The following SAMM50 variants were observed in gnomAD, a reference collection of about 807,000 sequenced individuals.
The protein encoded by SAMM50 is SAMM50 sorting and assembly machinery component.
Under a neutral mutation model 66.9 loss-of-function variants are expected in SAMM50, and 47 were observed. The ratio of observed to expected loss-of-function variants is 0.70; its 90% CI spans 0.56 to 0.90. The LOEUF (loss-of-function observed/expected upper bound fraction) is 0.90. Ranked by LOEUF, SAMM50 falls within the 40% of genes least tolerant of loss-of-function variation. SAMM50 has a pLI of 0.00. For synonymous variants in SAMM50, 191 were observed against 214.1 expected (o/e 0.89, Z 0.94); for missense variants, 535 against 595.3 (o/e 0.90, Z 1.05).
At chr22:43,969,730 T>C (rs2050194056) in intron 4 of SAMM50, among the ~76,000 whole-genome samples, 1 of 152,110 alleles carries the variant, frequency 6.6e-6, no homozygotes. Flanking sequence ...GGGACAGAGA[T>C]AGCACTTATC....
Position 43,983,029 on chromosome 22 carries a change from T to C in SAMM50, c.1008-904T>C, listed in dbSNP as rs942849434. Among the ~76,000 whole-genome samples, 1 of 152,228 alleles carries C rather than the reference T, an allele frequency of 6.6e-6. No homozygotes were observed. Among genetic ancestry groups the C allele is most frequent in the Non-Finnish European group, 1.5e-5 (1 of 68,036 alleles). ...AGCCTTGCTTAGAAATCCCAAGTAG[T>C]AAAAACATATTTATAGGTTTTAAAA... On this transcript the variant is annotated intron_variant, in intron 11 of 14. Coordinates refer to ENST00000350028, the MANE Select transcript of SAMM50 (RefSeq NM_015380.5). This position sits in a 1 kb window ranked among gnomAD's most constrained non-coding sequence, Gnocchi z 4.2.
At chr22:43,996,123 A>G in intron 14 of SAMM50, 1 of 665,372 alleles carries the variant, frequency 1.5e-6, no homozygotes, top group Non-Finnish European at 2.7e-6. Flanking sequence ...TCCCTTTTCC[A>G]TTCTCCGAGG....
At chr22:43,984,999 G>A (rs772317611) in intron 12 of SAMM50, among the ~76,000 whole-genome samples, 7 of 151,936 alleles carry the variant, frequency 4.6e-5, no homozygotes, top group East Asian at 1.9e-4. Flanking sequence ...ATTTTTATGC[G>A]AGTAAATGCC....
intron 7 of SAMM50, chr22:43,975,218 G>A (rs2146816345): frequency 6.6e-6 from 1 of 152,668 alleles, no homozygotes; most frequent in South Asian, 2.1e-4. Context: ...ATGGTGCCCT[G>A]TGGGTGCTGA....
intron 8 of SAMM50, 112 bp from the exon 9 acceptor site, chr22:43,976,638 T>C: frequency 1.3e-6 from 1 of 772,540 alleles, no homozygotes; most frequent in Non-Finnish European, 2.2e-6. Context: ...GAACACGAAA[T>C]GACATGATAG....
chr22:43,961,673 A>G (rs2050147804), intron 1 of SAMM50, among the ~76,000 whole-genome samples: 1 of 152,142 alleles, frequency 6.6e-6, no homozygotes, highest in Non-Finnish European at 1.5e-5. Flanking sequence ...GCTGGTCTCA[A>G]ACTACTGACC....
In SAMM50 at chr22:43,974,398, C is replaced by T. The variant is rs945780862; in HGVS notation, c.648+1075C>T. On this transcript the variant is annotated intron_variant, in intron 7 of 14. Coordinates refer to ENST00000350028, the MANE Select transcript of SAMM50 (RefSeq NM_015380.5). ...ACAGGAGCGCGGGGTCTCCCAGGGC[C>T]GTTGTGAGGGTTGGATGAGAGGCGT... is the stretch of plus-strand genomic sequence containing the variant. Among the ~76,000 whole-genome samples the T allele has an allele frequency of 2.6e-5, 4 of 152,174 alleles. No individual in the cohort carries two copies. The East Asian group carries it at 5.8e-4, about 22-fold the overall frequency.
chr22:43,963,789 A>G (rs560154455), intron 2 of SAMM50, among the ~76,000 whole-genome samples: 1 of 152,326 alleles, frequency 6.6e-6, no homozygotes, highest in East Asian at 1.9e-4. Flanking sequence ...CAGTTCTTGA[A>G]GAGTTTACTC....
chr22:43,996,057 G>A, intron 14 of SAMM50: 1 of 498,196 alleles, frequency 2.0e-6, no homozygotes, highest in South Asian at 2.3e-5. Flanking sequence ...CCGGAGAGGG[G>A]AACGTGAAGG....
intron 4 of SAMM50, among the ~76,000 whole-genome samples, chr22:43,971,159 C>A (rs2050201652): frequency 6.6e-6 from 1 of 152,136 alleles, no homozygotes; most frequent in Non-Finnish European, 1.5e-5. Context: ...CAGAATGAGG[C>A]TCCATCTCAG....
At chr22:43,992,374 G>A (rs908897863) in intron 14 of SAMM50, among the ~76,000 whole-genome samples, 1 of 152,238 alleles carries the variant, frequency 6.6e-6, no homozygotes, top group African/African-American at 2.4e-5. Flanking sequence ...CCGCGTCTGG[G>A]GACACGGCAG....
At chr22:43,973,452 C>T (rs2050214823) in intron 7 of SAMM50, 129 bp downstream of exon 7, 1 of 617,656 alleles carries the variant, frequency 1.6e-6, no homozygotes, top group South Asian at 1.7e-5. Context: ...CAGGTACCTC[C>T]TGGCCAGGTG....
chr22:43,988,481 C>T (rs2050305353), intron 12 of SAMM50: 1 of 151,694 alleles, frequency 6.6e-6, no homozygotes, highest in Non-Finnish European at 1.5e-5. Flanking sequence ...ATGGAATGGA[C>T]AGGAACGTTT....
chr22:43,973,165 CTG>C lies in SAMM50; in HGVS notation c.561-69_561-68del, dbSNP rs945451035. On this transcript the variant is annotated intron_variant, in intron 6 of 14. Transcript: ENST00000350028. ...GAGCCCTACGGGCGTAGTGTTAAGT[CTG>C]TTGATTTAAATGTGTGCAAGTTCTA... 98 of 1,323,122 alleles carry C rather than the reference CTG, an allele frequency of 7.4e-5. No homozygotes were observed. The African/African-American group carries it at 1.3e-3, about 17-fold the overall frequency. 82.0% of individuals were successfully genotyped at this position (1,323,122 alleles called of 1,614,324 possible).
intron 9 of SAMM50, 114 bp downstream of exon 9, chr22:43,976,935 C>T (rs897381988): frequency 2.1e-5 from 14 of 660,498 alleles, no homozygotes; most frequent in Non-Finnish European, 3.5e-5. Flanking sequence ...ACAGAGTAAT[C>T]GCACATGCAG....
At chr22:43,992,269 G>A (rs1235953797) in intron 14 of SAMM50, among the ~76,000 whole-genome samples, 1 of 152,232 alleles carries the variant, frequency 6.6e-6, no homozygotes, top group African/African-American at 2.4e-5. Context: ...CGCCTCTCAG[G>A]TGCAGTCTGC....
chr22:43,996,269 C>A, intron 14 of SAMM50, 69 bp from the exon 15 acceptor site: 1 of 1,540,494 alleles, frequency 6.5e-7, no homozygotes, highest in Non-Finnish European at 9.0e-7. Flanking sequence ...GAGGCGCATG[C>A]TCAGTGAGTC....
intron 1 of SAMM50, among the ~76,000 whole-genome samples, chr22:43,956,172 C>T (rs2050118514): frequency 1.3e-5 from 2 of 152,178 alleles, no homozygotes; most frequent in Admixed American, 6.5e-5. Flanking sequence ...TACTTGGGTG[C>T]CTGGCGCCTG....
At chr22:43,990,199 TG>T in intron 13 of SAMM50, 65 bp from the exon 14 acceptor site, 1 of 1,596,846 alleles carries the variant, frequency 6.3e-7, no homozygotes, top group Non-Finnish European at 8.6e-7. Flanking sequence ...AGGGCTTGTC[TG>T]GGAGAGCTGG....
Sources: gnomAD v4.1 joint callset for allele counts (sites outside exome capture counted in the v4.1 genomes callset) on GRCh38, gnomAD v4.1.1 for gene constraint, Gnocchi (gnomAD v3.1) non-coding constraint, MANE v1.5 for transcripts, NCBI Gene and HGNC (gene_info 2026-07-23, HGNC 2026-07-21) for gene names.